FIP1L1: variants seen among roughly 807,000 people sequenced by gnomAD.
The protein encoded by FIP1L1 is factor interacting with PAPOLA and CPSF1, also known as pre-mRNA 3'-end-processing factor FIP1.
In FIP1L1, 21 loss-of-function variants were observed where a neutral mutation model predicts 84.6. The ratio of observed to expected loss-of-function variants is 0.25; its 90% CI spans 0.18 to 0.36. The LOEUF (loss-of-function observed/expected upper bound fraction) is 0.36, where lower values mean the gene tolerates loss of function less well. Among genes scored for constraint, FIP1L1 ranks in the 10% least tolerant of loss-of-function variants. The pLI, the probability that FIP1L1 is intolerant of heterozygous loss-of-function variation, is 1.00. For synonymous variants in FIP1L1, 263 were observed against 242.3 expected (o/e 1.09, Z -0.80); for missense variants, 526 against 751.1 (o/e 0.70, Z 3.50).
chr4:53,440,703 A>ATGGAAT, intron 13 of FIP1L1: 1 of 847,580 alleles, frequency 1.2e-6, no homozygotes, highest in African/African-American at 1.7e-5. Flanking sequence ...CGGTTAGAAT[A>ATGGAAT]TGGAATAGGC....
intron 13 of FIP1L1, among the ~76,000 whole-genome samples, chr4:53,431,283 A>G (rs537946444): frequency 7.9e-5 from 12 of 152,328 alleles, no homozygotes; most frequent in African/African-American, 2.9e-4. Context: ...CCACATGATT[A>G]CACTATGTTC....
chr4:53,403,547 CAA>C (rs1352852930), intron 10 of FIP1L1, among the ~76,000 whole-genome samples: 2 of 152,046 alleles, frequency 1.3e-5, no homozygotes, highest in Non-Finnish European at 2.9e-5. Context: ...TCGGATTTGA[CAA>C]ACTCTTGGAA....
rs542467835 is a variant in FIP1L1, at chr4:53,410,654, TAAAG to T, written c.816-3957_816-3954del. ...AGTAATAAGTCATTAGCAGAAAAAA[TAAAG>T]AAATAAAACGAGAAATGCCCATTAA... On this transcript the variant is annotated intron_variant, in intron 10 of 17. Coordinates refer to ENST00000337488, the MANE Select transcript of FIP1L1 (RefSeq NM_030917.4). 3.2e-4 allele frequency among the ~76,000 whole-genome samples: 49 copies of T among 152,082 alleles called. No homozygotes were observed. The East Asian group carries it at 7.7e-3, about 24-fold the overall frequency.
chr4:53,444,272 T>G (rs1452877502), intron 15 of FIP1L1, among the ~76,000 whole-genome samples, 169 bp downstream of exon 15: 3 of 152,210 alleles, frequency 2.0e-5, no homozygotes, highest in Non-Finnish European at 2.9e-5. Flanking sequence ...AAACAATAAA[T>G]TTAATGTATT....
In FIP1L1 at chr4:53,377,755, T is replaced by C; in HGVS notation, c.-84T>C. ...TTCGTTCGTCGGCGGGTTCGCGCCC[T>C]TCTCGCGCCTCGGGGCTGCGAGGCT... is the stretch of plus-strand genomic sequence containing the variant. On this transcript the variant is annotated 5_prime_UTR_variant, in exon 1 of 18. Transcript: ENST00000337488. 1 of 1,316,150 alleles carries C rather than the reference T, an allele frequency of 7.6e-7. No individual in the cohort carries two copies. Among genetic ancestry groups the C allele is most frequent in the Non-Finnish European group, 1.0e-6 (1 of 987,830 alleles). 81.5% of individuals were successfully genotyped at this position (1,316,150 alleles called of 1,614,324 possible).
In FIP1L1 at chr4:53,389,816, G is replaced by A. The variant is rs1743182930; in HGVS notation, c.340G>A (p.Gly114Ser). The change falls in exon 6 of 18, where the codon GGT becomes AGT. Residue 114 changes from glycine to serine, a missense_variant. This residue lies in a region of FIP1L1 where 169 missense variants were observed against 206.9 expected (regional missense o/e 0.82). Transcript: ENST00000337488. ...KTGAPQYGSY[G>S]TAPVNLNIKT... The stretch of plus-strand genomic sequence containing the variant: ...TTGTTTGTTTGTTTTTAGGAGTTAT[G>A]GTACAGCACCTGTAAATCTTAACAT... 1 of 1,597,050 alleles carries A rather than the reference G, an allele frequency of 6.3e-7. No homozygotes were observed. Among genetic ancestry groups the A allele is most frequent in the African/African-American group, 1.4e-5 (1 of 73,444 alleles).
At position 53,390,465 on chromosome 4, in the gene FIP1L1, G is replaced by A; in HGVS notation, c.398-56G>A. 2.9e-6 allele frequency: 3 copies of A among 1,027,502 alleles called. No individual in the cohort carries two copies. The South Asian group carries it at 4.0e-5, about 14-fold the overall frequency. 63.6% of individuals were successfully genotyped at this position (1,027,502 alleles called of 1,614,324 possible). A position where few individuals can be genotyped will look rare whatever the true frequency, so the allele number is the denominator to read the frequency against. ...TGTTTATATTTTCTGTTTGTCTATG[G>A]TATCGCCTGGCTTCTTGCAAGTATA... On this transcript the variant is annotated intron_variant, in intron 6 of 17. Coordinates refer to ENST00000337488, the MANE Select transcript of FIP1L1 (RefSeq NM_030917.4).
intron 6 of FIP1L1, 44 bp downstream of exon 6, chr4:53,389,917 C>A: frequency 6.9e-7 from 1 of 1,444,912 alleles, no homozygotes; most frequent in Non-Finnish European, 9.5e-7. Flanking sequence ...AAATAAGGCA[C>A]ATATCTTAAA....
At chr4:53,415,298 C>T (rs1390906805) in intron 11 of FIP1L1, among the ~76,000 whole-genome samples, 3 of 151,910 alleles carry the variant, frequency 2.0e-5, no homozygotes, top group African/African-American at 4.8e-5. Flanking sequence ...CATACAACCT[C>T]GAATGGATAT....
At position 53,406,957 on chromosome 4, in the gene FIP1L1, C is replaced by T. The variant is rs1753897748; in HGVS notation, c.815+7118C>T. ...CAATTTTGTTGATCTTTTCAAAAAA[C>T]CAGCTGCTGGATTCATTGATTTTTT... On this transcript the variant is annotated intron_variant, in intron 10 of 17. Transcript: ENST00000337488. 2.6e-5 allele frequency among the ~76,000 whole-genome samples: 4 copies of T among 152,258 alleles called. No individual in the cohort carries two copies. In the South Asian group the frequency reaches 8.3e-4, roughly 32 times the overall value.
Position 53,459,536 on chromosome 4 carries a change from A to C in FIP1L1, c.*87A>C. ...TTTCTGGATAATGTTTAAGAAATTT[A>C]CCTTAAATCTTGTTCTGTTTGTTAG... On this transcript the variant is annotated 3_prime_UTR_variant, in exon 18 of 18. Transcript: ENST00000337488. 1.3e-5 allele frequency: 20 copies of C among 1,563,088 alleles called. No homozygotes were observed. The highest frequency in any genetic ancestry group is 1.8e-5 in the Non-Finnish European group (20 of 1,139,146).
At position 53,377,701 on chromosome 4, in the gene FIP1L1, C is replaced by T. The variant is rs1357452778; in HGVS notation, c.-138C>T. 9.5e-6 allele frequency: 7 copies of T among 735,704 alleles called. No individual in the cohort carries two copies. Among genetic ancestry groups the T allele is most frequent in the Admixed American group, 6.7e-5 (2 of 30,052 alleles). 45.6% of individuals were successfully genotyped at this position (735,704 alleles called of 1,614,324 possible). A position where few individuals can be genotyped will look rare whatever the true frequency, so the allele number is the denominator to read the frequency against. ...TCTTTGCCGCCGCTGCCGTCGCCTTCCTGGGATTGGAGTCTCGAGCTTTCT... is the reference window on the plus strand; with the variant it reads ...TCTTTGCCGCCGCTGCCGTCGCCTTTCTGGGATTGGAGTCTCGAGCTTTCT... On this transcript the variant is annotated 5_prime_UTR_variant, in exon 1 of 18. Coordinates refer to ENST00000337488, the MANE Select transcript of FIP1L1 (RefSeq NM_030917.4).
intron 13 of FIP1L1, among the ~76,000 whole-genome samples, chr4:53,434,424 A>G (rs2090117): frequency 6.6e-6 from 1 of 151,690 alleles, no homozygotes; most frequent in Non-Finnish European, 1.5e-5. Flanking sequence ...CCTGGAAACT[A>G]CACTGTAAGA....
intron 5 of FIP1L1, among the ~76,000 whole-genome samples, chr4:53,386,477 T>C (rs763323160): frequency 1.3e-5 from 2 of 152,186 alleles, no homozygotes; most frequent in Non-Finnish European, 2.9e-5. Context: ...TGAGTAAATA[T>C]TTTCAGTGCA....
rs3067115 is a variant in FIP1L1, at chr4:53,459,277, CTT to C, written c.1638-6_1638-5del. 0.034 allele frequency: 32,275 copies of C among 958,056 alleles called. No individual in the cohort carries two copies. The highest frequency in any genetic ancestry group is 0.049 in the Middle Eastern group (177 of 3,596). 59.3% of individuals were successfully genotyped at this position (958,056 alleles called of 1,614,324 possible). On this transcript the variant is annotated intron_variant, in intron 17 of 17. Coordinates refer to ENST00000337488, the MANE Select transcript of FIP1L1 (RefSeq NM_030917.4). ...GATTGTGTATTTAAACAGAACACAC[CTT>C]TTTTTTTTTTTTTTTTTTCCAGTAA...
At position 53,460,643 on chromosome 4, in the gene FIP1L1, A is replaced by T. The variant is rs1721819050; in HGVS notation, c.*1194A>T. On this transcript the variant is annotated 3_prime_UTR_variant, in exon 18 of 18. Transcript: ENST00000337488. Reference sequence around the variant, plus strand: ...GTATACAAATCATTTTAGTTGTTTTAGGGCTTTTTATTGAATAGAAAAAAT... The same window carrying T: ...GTATACAAATCATTTTAGTTGTTTTTGGGCTTTTTATTGAATAGAAAAAAT... 2.8e-6 allele frequency: 1 copy of T among 355,812 alleles called. No individual in the cohort carries two copies. The highest frequency in any genetic ancestry group is 5.0e-6 in the Non-Finnish European group (1 of 200,692). The allele number at this position is 355,812 out of a possible 1,614,324, so 22.0% of individuals were successfully genotyped here.
intron 11 of FIP1L1, among the ~76,000 whole-genome samples, chr4:53,423,914 T>C (rs1763357697): frequency 6.6e-6 from 1 of 151,994 alleles, no homozygotes; most frequent in African/African-American, 2.4e-5. Context: ...TGTCCCAGAC[T>C]TTTTGAAAAC....
rs77367558 is a variant in FIP1L1, at chr4:53,446,161, T to C, written c.1285+2058T>C. 7.9e-3 allele frequency among the ~76,000 whole-genome samples: 1,208 copies of C among 151,960 alleles called. 16 individuals carry two copies. The highest frequency in any genetic ancestry group is 0.028 in the African/African-American group (1,142 of 41,406). On this transcript the variant is annotated intron_variant, in intron 15 of 17. Coordinates refer to ENST00000337488, the MANE Select transcript of FIP1L1 (RefSeq NM_030917.4). The stretch of plus-strand genomic sequence containing the variant: ...TACAAAAGATGGTATTTATGTTGAC[T>C]TACTTGTTTCAATGACTATGTTTCT...
At chr4:53,422,648 T>G (rs1311582708) in intron 11 of FIP1L1, among the ~76,000 whole-genome samples, 1 of 151,872 alleles carries the variant, frequency 6.6e-6, no homozygotes, top group African/African-American at 2.4e-5. Flanking sequence ...TTAAAGACAT[T>G]TGTTGTTAAT....
Sources: gnomAD v4.1 joint callset for allele counts (sites outside exome capture counted in the v4.1 genomes callset) on GRCh38, gnomAD v4.1.1 for gene constraint, gnomAD v4.1.1 regional missense constraint, MANE v1.5 for transcripts, NCBI Gene and HGNC (gene_info 2026-07-23, HGNC 2026-07-21) for gene names.